Variants in SOX6 observed in about 807,000 individuals in gnomAD.
SOX6 encodes the protein SRY-box transcription factor 6.
A neutral mutation model predicts 97.8 loss-of-function variants in SOX6; 11 were observed. The observed-to-expected ratio is 0.11, with a 90% CI of 0.07 to 0.19. SOX6 has a LOEUF of 0.19. SOX6 is among the 10% of genes least tolerant of loss of function. The pLI, the probability that SOX6 is intolerant of heterozygous loss-of-function variation, is 1.00. For missense variants in SOX6, 810 were observed against 1,039.5 expected, an observed-to-expected ratio of 0.78 and a Z score of 3.04; for synonymous variants, 360 against 371.4, an observed-to-expected ratio of 0.97 and a Z score of 0.35.
chr11:16,375,408 T>C (rs1485974325), intron 1 of SOX6, among the ~76,000 whole-genome samples: 2 of 151,812 alleles, frequency 1.3e-5, no homozygotes, highest in Non-Finnish European at 2.9e-5. Flanking sequence ...TAGTTACAAA[T>C]TAGTAGCAGA....
At chr11:16,449,351 G>A (rs1859674948) in intron 1 of SOX6, among the ~76,000 whole-genome samples, 1 of 132,630 alleles carries the variant, frequency 7.5e-6, no homozygotes, top group Non-Finnish European at 1.5e-5. Context: ...GGAGTGCAGT[G>A]GAGCCATCTC....
chr11:16,426,625 T>A (rs1043087858), intron 1 of SOX6, among the ~76,000 whole-genome samples: 1 of 151,928 alleles, frequency 6.6e-6, no homozygotes, highest in African/African-American at 2.4e-5. Context: ...TAAAACTGGA[T>A]CCCTTCTGGC....
intron 6 of SOX6, among the ~76,000 whole-genome samples, chr11:16,159,607 G>A (rs1850691464): frequency 6.6e-6 from 1 of 152,076 alleles, no homozygotes; most frequent in African/African-American, 2.4e-5. Context: ...TATACCTACA[G>A]ATTTTAGTAA....
chr11:16,277,065 T>A (rs1470122950), intron 3 of SOX6, among the ~76,000 whole-genome samples: 2 of 152,132 alleles, frequency 1.3e-5, no homozygotes, highest in Non-Finnish European at 2.9e-5. Context: ...ATGTTAAACA[T>A]TGTCACCGAA....
intron 3 of SOX6, among the ~76,000 whole-genome samples, chr11:16,656,352 A>C (rs1847717442): frequency 6.6e-6 from 1 of 152,206 alleles, no homozygotes; most frequent in Non-Finnish European, 1.5e-5. Context: ...CTGGGATTAC[A>C]GGCATGAGCC....
chr11:16,032,991 A>G (rs906324076), intron 12 of SOX6, among the ~76,000 whole-genome samples: 2 of 152,056 alleles, frequency 1.3e-5, no homozygotes, highest in African/African-American at 4.8e-5. Context: ...GACACTTTTC[A>G]TTCACTCATT....
At chr11:16,335,263 G>T (rs780393374) in intron 2 of SOX6, among the ~76,000 whole-genome samples, 5 of 152,132 alleles carry the variant, frequency 3.3e-5, no homozygotes, top group African/African-American at 4.8e-5. Flanking sequence ...CCTGTTAACA[G>T]AAATCTAGGC....
In SOX6 at chr11:16,261,131, T is replaced by C. The variant is rs568145911; in HGVS notation, c.446-26460A>G. Among the ~76,000 whole-genome samples the C allele has an allele frequency of 5.3e-5, 8 of 152,302 alleles. No homozygotes were observed. In the South Asian group the frequency reaches 1.7e-3, roughly 32 times the overall value. ...AATCATGACTTTTGTCATACTTTGTTATAATTAATTTACCATCAATCTTCT... is the reference window on the plus strand; with the variant it reads ...AATCATGACTTTTGTCATACTTTGTCATAATTAATTTACCATCAATCTTCT... On this transcript the variant is annotated intron_variant, in intron 3 of 15. Transcript: ENST00000683767.
intron 4 of SOX6, among the ~76,000 whole-genome samples, chr11:16,597,487 T>TAGTTTAGC (rs1848225762): frequency 6.6e-6 from 1 of 151,828 alleles, no homozygotes; most frequent in Non-Finnish European, 1.5e-5. Flanking sequence ...GTCACACAAC[T>TAGTTTAGC]AGTTTAGCAA....
At chr11:16,480,688 G>C (rs2133124279), upstream of SOX6, among the ~76,000 whole-genome samples, 1 of 149,616 alleles carries the variant, frequency 6.7e-6, no homozygotes, top group African/African-American at 2.4e-5. Context: ...TAGCAAGAAA[G>C]TTCAAGTATC....
chr11:16,725,037 A>C (rs556226096), intron 2 of SOX6, among the ~76,000 whole-genome samples: 1 of 152,346 alleles, frequency 6.6e-6, no homozygotes, highest in African/African-American at 2.4e-5. Flanking sequence ...ATTGGAAACA[A>C]AGTCACACAA....
At chr11:16,164,348 A>C (rs367869321) in intron 6 of SOX6, among the ~76,000 whole-genome samples, 2 of 152,292 alleles carry the variant, frequency 1.3e-5, no homozygotes, top group East Asian at 3.9e-4. Flanking sequence ...AGCAAATAAA[A>C]TGTATGTAAA....
intron 4 of SOX6, among the ~76,000 whole-genome samples, chr11:16,597,786 A>G (rs1181127364): frequency 6.6e-6 from 1 of 152,064 alleles, no homozygotes; most frequent in African/African-American, 2.4e-5. Flanking sequence ...CTATATAGCA[A>G]TGACAAATGA....
intron 4 of SOX6, among the ~76,000 whole-genome samples, chr11:16,552,226 T>TA (rs1309896938): frequency 5.3e-5 from 8 of 152,006 alleles, no homozygotes; most frequent in African/African-American, 1.9e-4. Flanking sequence ...AGTGTTCCTT[T>TA]AAAAAAACTC....
rs974183757 is a variant in SOX6, at chr11:16,610,386, C to T, written n.609+1695G>A. ...ACAAGTTTGGCTTTCCAAATACTAG[C>T]GCGTCCGTCTCTTTAAATCACAGAG... On this transcript the variant is annotated intron_variant and non_coding_transcript_variant, in intron 4 of 5. Coordinates refer to the SOX6 transcript ENST00000524520. The surrounding 1 kb of genome is among the most constrained non-coding windows in gnomAD (Gnocchi z 4.4). Among the ~76,000 whole-genome samples the T allele has an allele frequency of 1.6e-4, 25 of 152,154 alleles. No individual in the cohort carries two copies. The highest frequency in any genetic ancestry group is 5.8e-4 in the African/African-American group (24 of 41,434).
At chr11:16,146,945 C>T (rs1206317935) in intron 6 of SOX6, among the ~76,000 whole-genome samples, 3 of 152,128 alleles carry the variant, frequency 2.0e-5, no homozygotes, top group Non-Finnish European at 2.9e-5. Context: ...GACAGTGCGG[C>T]GATTCCTCAA....
At chr11:16,509,215 C>A (rs1860838093) in intron 4 of SOX6, among the ~76,000 whole-genome samples, 1 of 151,376 alleles carries the variant, frequency 6.6e-6, no homozygotes, top group African/African-American at 2.4e-5. Flanking sequence ...CATATATATT[C>A]AATTAAATAA....
chr11:16,137,270 C>A (rs1233329559), intron 6 of SOX6, among the ~76,000 whole-genome samples: 3 of 151,782 alleles, frequency 2.0e-5, no homozygotes, highest in East Asian at 3.9e-4. Flanking sequence ...TACTAAAATA[C>A]AAAAAATTAG....
intron 13 of SOX6, among the ~76,000 whole-genome samples, chr11:16,000,030 C>A (rs1854356350): frequency 6.6e-6 from 1 of 152,152 alleles, no homozygotes; most frequent in Non-Finnish European, 1.5e-5. Flanking sequence ...CCAAATTTAT[C>A]TTAATACAAC....
Sources: allele counts gnomAD v4.1 joint callset (sites outside exome capture counted in the v4.1 genomes callset), GRCh38; gene constraint gnomAD v4.1.1; non-coding constraint Gnocchi (gnomAD v3.1); transcripts MANE v1.5; gene names NCBI Gene and HGNC (gene_info 2026-07-23, HGNC 2026-07-21).